Variants in ABCC4 observed in about 807,000 individuals in gnomAD.
The protein encoded by ABCC4 is ATP binding cassette subfamily C member 4 (PEL blood group), also known as ATP-binding cassette sub-family C member 4.
Under a neutral mutation model 168.5 loss-of-function variants are expected in ABCC4, and 102 were observed. The observed-to-expected ratio is 0.61, with a 90% CI of 0.52 to 0.71. The LOEUF (loss-of-function observed/expected upper bound fraction) is 0.71. ABCC4 is among the 30% of genes least tolerant of loss of function. The pLI, the probability that ABCC4 is intolerant of heterozygous loss-of-function variation, is 0.00. For missense variants in ABCC4, 1,402 were observed against 1,605.8 expected, an observed-to-expected ratio of 0.87 and a Z score of 2.17; for synonymous variants, 617 against 590.7, an observed-to-expected ratio of 1.04 and a Z score of -0.65.
chr13:95,176,208 C>A (rs1358493270), intron 13 of ABCC4, among the ~76,000 whole-genome samples: 1 of 81,870 alleles, frequency 1.2e-5, no homozygotes, highest in African/African-American at 4.8e-5. Flanking sequence ...TCTCAGCACT[C>A]CAGGAAGCCG....
chr13:95,158,534 C>G (rs190986385), intron 19 of ABCC4, among the ~76,000 whole-genome samples: 1 of 152,214 alleles, frequency 6.6e-6, no homozygotes, highest in African/African-American at 2.4e-5. Context: ...TTTCTAAAAC[C>G]TGGGAGAATA....
In ABCC4 at chr13:95,188,510, G is replaced by A; in HGVS notation, c.1296C>T (p.Ser432=). 1 of 1,614,048 alleles carries A rather than the reference G, an allele frequency of 6.2e-7. No individual in the cohort carries two copies. The change falls in exon 10 of 31, where the codon TCC becomes TCT. Residue 432 remains serine (S), a synonymous_variant. Coordinates refer to ENST00000645237, the MANE Select transcript of ABCC4 (RefSeq NM_005845.5). ...ACAATTCGCCAGGTCTGACAGTAAA[G>A]GAAAGGCCTTGTAGAGTTGGGGTCT... The part of the protein sequence containing the change: ...ASETPTLQGL[S]FTVRPGELLA...
Position 95,176,244 on chromosome 13 carries a change from G to GGGGGGT in ABCC4, c.1727+1462_1727+1463insACCCCC, listed in dbSNP as rs1317252304. On this transcript the variant is annotated intron_variant, in intron 13 of 30. Transcript: ENST00000645237. ...AGGGCAGGGGGGGGGGGGGGGGGGG[G>GGGGGGT]GTGGATCCCTTGAGCCCAGGAGTTC... 6.7e-4 allele frequency among the ~76,000 whole-genome samples: 30 copies of GGGGGGT among 44,954 alleles called. 2 individuals are homozygous for GGGGGGT. Among genetic ancestry groups the GGGGGGT allele is most frequent in the African/African-American group, 1.0e-3 (12 of 11,902 alleles). The allele number at this position is 44,954 out of a possible 152,430, so 29.5% of individuals were successfully genotyped here.
At chr13:95,180,098 C>G (rs1438325725) in intron 11 of ABCC4, among the ~76,000 whole-genome samples, 1 of 152,156 alleles carries the variant, frequency 6.6e-6, no homozygotes, top group Non-Finnish European at 1.5e-5. Flanking sequence ...AACCCACTCC[C>G]TGGCAGCCCA....
intron 20 of ABCC4, among the ~76,000 whole-genome samples, chr13:95,088,023 C>T (rs1336807789): frequency 6.6e-6 from 1 of 152,172 alleles, no homozygotes; most frequent in Non-Finnish European, 1.5e-5. Context: ...CCCTCATATG[C>T]TAATCTGATC....
At chr13:95,121,421 G>A (rs1052768064) in intron 19 of ABCC4, among the ~76,000 whole-genome samples, 4 of 135,756 alleles carry the variant, frequency 2.9e-5, no homozygotes, top group African/African-American at 2.8e-5. Flanking sequence ...ACTTTATGGG[G>A]TTTTTTTTTG....
chr13:95,191,336 A>G (rs2038245635), intron 9 of ABCC4, among the ~76,000 whole-genome samples: 1 of 152,186 alleles, frequency 6.6e-6, no homozygotes, highest in South Asian at 2.1e-4. Flanking sequence ...GTCCCATACC[A>G]CATCATAGGA....
At chr13:95,144,828 G>A (rs1446157205) in intron 19 of ABCC4, among the ~76,000 whole-genome samples, 1 of 152,118 alleles carries the variant, frequency 6.6e-6, no homozygotes, top group Non-Finnish European at 1.5e-5. Flanking sequence ...CAGATTCAAT[G>A]CTCTTCCTAT....
chr13:95,100,220 T>C (rs546334577), intron 20 of ABCC4, among the ~76,000 whole-genome samples: 57 of 152,342 alleles, frequency 3.7e-4, no homozygotes, highest in Non-Finnish European at 6.9e-4. Flanking sequence ...TGGAAAGTTC[T>C]ATGCTCTGCT....
At chr13:95,049,641 A>C (rs1330595552) in intron 27 of ABCC4, among the ~76,000 whole-genome samples, 1 of 123,594 alleles carries the variant, frequency 8.1e-6, no homozygotes, top group African/African-American at 2.6e-5. Flanking sequence ...ACTCTGTCTC[A>C]AATAAATAAA....
chr13:95,072,105 A>C (rs1243471705), intron 24 of ABCC4, among the ~76,000 whole-genome samples: 1 of 152,222 alleles, frequency 6.6e-6, no homozygotes, highest in Non-Finnish European at 1.5e-5. Flanking sequence ...TCCACTTCTC[A>C]CACCTGTATT....
In ABCC4 at chr13:95,130,421, C is replaced by G. The variant is rs908930278; in HGVS notation, c.2456-14420G>C. Among the ~76,000 whole-genome samples the G allele has an allele frequency of 4.6e-5, 7 of 152,238 alleles. No homozygotes were observed. The East Asian group carries it at 9.6e-4, about 21-fold the overall frequency. ...CACATTTTGTTTTCTGCTGCTCTGACAGTACACAATGATTACTGCACTGTG... is the reference window on the plus strand; with the variant it reads ...CACATTTTGTTTTCTGCTGCTCTGAGAGTACACAATGATTACTGCACTGTG... On this transcript the variant is annotated intron_variant, in intron 19 of 30. Transcript: ENST00000645237.
intron 1 of ABCC4, among the ~76,000 whole-genome samples, chr13:95,290,069 C>A (rs995921349): frequency 6.6e-5 from 10 of 151,374 alleles, no homozygotes; most frequent in Admixed American, 2.6e-4. Context: ...CCACTCCAGC[C>A]TGGGCAACAA....
chr13:95,149,120 G>A (rs1279535123), intron 19 of ABCC4, among the ~76,000 whole-genome samples: 2 of 152,140 alleles, frequency 1.3e-5, no homozygotes, highest in African/African-American at 4.8e-5. Context: ...CTGATGGCTG[G>A]ATTACACAGG....
intron 9 of ABCC4, among the ~76,000 whole-genome samples, chr13:95,188,985 G>A (rs2038160957): frequency 6.6e-6 from 1 of 152,030 alleles, no homozygotes; most frequent in African/African-American, 2.4e-5. Context: ...CTGTCAACCT[G>A]TCATCTAGGT....
intron 20 of ABCC4, among the ~76,000 whole-genome samples, chr13:95,104,917 C>T (rs769410884): frequency 4.3e-4 from 66 of 152,132 alleles, no homozygotes; most frequent in Non-Finnish European, 7.2e-4. Flanking sequence ...GGACTGGTTT[C>T]GCGGAGGACA....
At chr13:95,209,718 G>T in intron 5 of ABCC4, 121 bp from the exon 6 acceptor site, 1 of 971,780 alleles carries the variant, frequency 1.0e-6, no homozygotes. Flanking sequence ...TGGCCACAGT[G>T]GGTTTACACC....
intron 19 of ABCC4, among the ~76,000 whole-genome samples, chr13:95,154,450 T>C (rs559834939): frequency 6.6e-6 from 1 of 152,266 alleles, no homozygotes; most frequent in Admixed American, 6.5e-5. Flanking sequence ...GGAAGAAAAA[T>C]CATAGTTTCT....
At chr13:95,048,619 G>A (rs948239047) in intron 27 of ABCC4, among the ~76,000 whole-genome samples, 3 of 152,198 alleles carry the variant, frequency 2.0e-5, no homozygotes, top group Admixed American at 6.5e-5. Flanking sequence ...CAAGGTGTGG[G>A]GAATAGAAGG....
Sources: gnomAD v4.1 joint callset for allele counts (sites outside exome capture counted in the v4.1 genomes callset) on GRCh38, gnomAD v4.1.1 for gene constraint, MANE v1.5 for transcripts, NCBI Gene and HGNC (gene_info 2026-07-23, HGNC 2026-07-21) for gene names.